The following KDM1A variants were observed in gnomAD, a reference collection of about 807,000 sequenced individuals.
The protein encoded by KDM1A is lysine-specific histone demethylase 1A.
In KDM1A, 49 loss-of-function variants were observed where a neutral mutation model predicts 109.4. That is an observed-to-expected ratio of 0.45 (90% CI 0.36 to 0.57). The LOEUF is 0.57. Among genes scored for constraint, KDM1A ranks in the 20% least tolerant of loss-of-function variants. The probability of loss-of-function intolerance (pLI) is 0.00; values close to 1 mark genes in which losing one functional copy is unlikely to be tolerated. For synonymous variants in KDM1A, 380 were observed against 415.4 expected, an observed-to-expected ratio of 0.91 and a Z score of 1.04; for missense variants, 668 against 1,116.6, an observed-to-expected ratio of 0.60 and a Z score of 5.73.
At chr1:23,062,295 T>C (rs142085423) in intron 9 of KDM1A, among the ~76,000 whole-genome samples, 27 of 152,306 alleles carry the variant, frequency 1.8e-4, no homozygotes, top group Non-Finnish European at 3.7e-4. Flanking sequence ...CTGAGTCTCC[T>C]TCTCTGAGAG....
At chr1:23,068,429 C>A in intron 10 of KDM1A, 110 bp from the exon 11 acceptor site, 1 of 804,768 alleles carries the variant, frequency 1.2e-6, no homozygotes, top group East Asian at 3.0e-5. Context: ...CAAAGGTTTC[C>A]CCTTTGAGAT....
At chr1:23,027,297 GACC>G (rs1299414586) in intron 1 of KDM1A, among the ~76,000 whole-genome samples, 1 of 151,946 alleles carries the variant, frequency 6.6e-6, no homozygotes, top group African/African-American at 2.4e-5. Context: ...CCAGCGACTA[GACC>G]ACCAGGGAAG....
At chr1:23,076,898 G>A (rs560273306) in intron 15 of KDM1A, among the ~76,000 whole-genome samples, 1 of 151,142 alleles carries the variant, frequency 6.6e-6, no homozygotes, top group South Asian at 2.1e-4. Context: ...CCAGGAGTCC[G>A]AGGTTGCAAT....
intron 1 of KDM1A, among the ~76,000 whole-genome samples, chr1:23,023,155 T>C (rs1189761921): frequency 6.6e-6 from 1 of 152,222 alleles, no homozygotes; most frequent in Non-Finnish European, 1.5e-5. Flanking sequence ...TTTTTAAAAA[T>C]TGAGTTGTCT....
chr1:23,030,283 A>C (rs1230326742), intron 1 of KDM1A, among the ~76,000 whole-genome samples, 186 bp from the exon 2 acceptor site: 1 of 152,236 alleles, frequency 6.6e-6, no homozygotes, highest in East Asian at 1.9e-4. Context: ...CTGAACTGAC[A>C]CAAGATTGTT....
At chr1:23,076,358 A>G (rs1217564730) in intron 15 of KDM1A, among the ~76,000 whole-genome samples, 7 of 152,000 alleles carry the variant, frequency 4.6e-5, no homozygotes, top group Non-Finnish European at 1.0e-4. Context: ...TTTTTACTGT[A>G]TGGACTGTCT....
At chr1:23,083,025 A>G in intron 20 of KDM1A, 154 bp from the exon 21 acceptor site, 1 of 637,924 alleles carries the variant, frequency 1.6e-6, no homozygotes. Flanking sequence ...GAAAGTGCCT[A>G]CTGATAAGGG....
intron 19 of KDM1A, chr1:23,081,798 G>C (rs1010829101): frequency 1.7e-5 from 9 of 518,890 alleles, no homozygotes; most frequent in African/African-American, 1.7e-4. Context: ...TTCTCCTCCG[G>C]CTTTAGAGTC....
rs767988319 is a variant in KDM1A at position 23,053,755 on chromosome 1, A to C, written c.712-6A>C. 1 of 1,586,940 alleles carries C rather than the reference A, an allele frequency of 6.3e-7. No individual in the cohort carries two copies. On this transcript the variant is annotated splice_polypyrimidine_tract_variant and splice_region_variant and intron_variant, in intron 4 of 20. Coordinates refer to ENST00000400181, the MANE Select transcript of KDM1A (RefSeq NM_001009999.3). ...ATGTAATACAATTTATGTCATTTAA[A>C]TGCAGCTGCAGTTGTGGTTGGATAA...
chr1:23,040,000 C>T (rs1642260549), intron 2 of KDM1A, among the ~76,000 whole-genome samples: 1 of 152,218 alleles, frequency 6.6e-6, no homozygotes, highest in Non-Finnish European at 1.5e-5. Context: ...TCCAAGTTGG[C>T]TTTAACTTTT....
intron 15 of KDM1A, 48 bp downstream of exon 15, chr1:23,073,451 A>G: frequency 1.0e-6 from 1 of 976,786 alleles, no homozygotes; most frequent in Non-Finnish European, 1.6e-6. Context: ...TTTGAGAGGG[A>G]TTGTAAGAGA....
chr1:23,046,633 C>T (rs1642511797), intron 3 of KDM1A, among the ~76,000 whole-genome samples: 1 of 152,174 alleles, frequency 6.6e-6, no homozygotes, highest in Admixed American at 6.5e-5. Context: ...GCCTCTCCCG[C>T]TTTTTCTACT....
intron 1 of KDM1A, among the ~76,000 whole-genome samples, chr1:23,022,554 G>A (rs922730022): frequency 6.7e-6 from 1 of 150,224 alleles, no homozygotes; most frequent in Non-Finnish European, 1.5e-5. Context: ...TGGTCAGGCT[G>A]TTTCAAACTC....
intron 15 of KDM1A, among the ~76,000 whole-genome samples, chr1:23,073,849 TC>T (rs1643388137): frequency 6.6e-6 from 1 of 152,258 alleles, no homozygotes; most frequent in Middle Eastern, 3.2e-3. Flanking sequence ...AGTAGTTTGT[TC>T]CTTTTAATTA....
intron 2 of KDM1A, among the ~76,000 whole-genome samples, chr1:23,043,452 A>T (rs550781917): frequency 4.0e-4 from 61 of 152,314 alleles, no homozygotes; most frequent in African/African-American, 1.4e-3. Context: ...TGGTGGAATA[A>T]TCAATCTGCT....
intron 19 of KDM1A, 108 bp downstream of exon 19, chr1:23,081,681 C>A: frequency 7.7e-7 from 1 of 1,303,794 alleles, no homozygotes; most frequent in Non-Finnish European, 1.1e-6. Context: ...GAATTGAGGT[C>A]TGTGCTTTTA....
intron 7 of KDM1A, 69 bp from the exon 8 acceptor site, chr1:23,057,415 G>A: frequency 1.8e-6 from 2 of 1,120,240 alleles, no homozygotes; most frequent in Non-Finnish European, 2.7e-6. Flanking sequence ...CAGAGCCGTG[G>A]TATGGTACTA....
chr1:23,033,022 CT>C (rs952087680), intron 2 of KDM1A, among the ~76,000 whole-genome samples: 4 of 152,144 alleles, frequency 2.6e-5, no homozygotes, highest in African/African-American at 9.6e-5. Context: ...CCTCAGCCCC[CT>C]GAGTAGCTGA....
At position 23,079,974 on chromosome 1, in the gene KDM1A, A is replaced by G. The variant is rs1049820979; in HGVS notation, c.2170+307A>G. On this transcript the variant is annotated intron_variant, in intron 18 of 20. Transcript: ENST00000400181. The surrounding 1 kb of genome is among the most constrained non-coding windows in gnomAD (Gnocchi z 5.6). Reference sequence around the variant, plus strand: ...GATAGGCCCAGGGAGGCTTCCTACCAGGGGAAGCTTGCGTTCTCATTCTCA... The same window carrying G: ...GATAGGCCCAGGGAGGCTTCCTACCGGGGGAAGCTTGCGTTCTCATTCTCA... 6.6e-6 allele frequency among the ~76,000 whole-genome samples: 1 copy of G among 152,162 alleles called. No individual in the cohort carries two copies. Among genetic ancestry groups the G allele is most frequent in the African/African-American group, 2.4e-5 (1 of 41,422 alleles).
Sources: allele counts gnomAD v4.1 joint callset (sites outside exome capture counted in the v4.1 genomes callset), GRCh38; gene constraint gnomAD v4.1.1; non-coding constraint Gnocchi (gnomAD v3.1); transcripts MANE v1.5; gene names NCBI Gene and HGNC (gene_info 2026-07-23, HGNC 2026-07-21).